Variants in MINAR1 observed in about 807,000 individuals in gnomAD.
MINAR1 encodes major intrinsically disordered Notch2-binding receptor 1.
A neutral mutation model predicts 65.1 loss-of-function variants in MINAR1; 40 were observed. The observed-to-expected ratio is 0.61, with a 90% CI of 0.48 to 0.80. MINAR1 has a LOEUF of 0.80. Among genes scored for constraint, MINAR1 ranks in the 30% least tolerant of loss-of-function variants. The pLI, the probability that MINAR1 is intolerant of heterozygous loss-of-function variation, is 0.00. For missense variants in MINAR1, 1,128 were observed against 1,148.0 expected (o/e 0.98, Z 0.25); for synonymous variants, 482 against 449.1 (o/e 1.07, Z -0.93).
At position 79,457,145 on chromosome 15, in the gene MINAR1, A is replaced by G. The variant is rs1595947362; in HGVS notation, c.998A>G (p.Asp333Gly). 1.2e-6 allele frequency: 2 copies of G among 1,614,068 alleles called. No individual in the cohort carries two copies. Among genetic ancestry groups the G allele is most frequent in the Non-Finnish European group, 1.7e-6 (2 of 1,180,018 alleles). Reference sequence around the variant, plus strand: ...CGAGCAAAGCACGAAAGCTTAGATGACCTTCAAGCCTCTACATATTTTGGG... The same window carrying G: ...CGAGCAAAGCACGAAAGCTTAGATGGCCTTCAAGCCTCTACATATTTTGGG... ...KRRAKHESLD[D>G]LQASTYFGPT... Residue 333 changes from aspartate to glycine, a missense_variant, in exon 2 of 4, where the codon GAC becomes GGC. Physicochemically the swap from Asp to Gly is moderately conservative, Grantham distance 94. Transcript: ENST00000305428.
upstream of MINAR1, among the ~76,000 whole-genome samples, chr15:79,427,641 G>A (rs140215641): frequency 1.5e-3 from 229 of 152,300 alleles, 2 homozygotes; most frequent in African/African-American, 5.3e-3. Flanking sequence ...ATATCAAAAA[G>A]TGTTTCCCTA....
chr15:79,460,278 T>C (rs1895598977), intron 2 of MINAR1, among the ~76,000 whole-genome samples: 1 of 152,226 alleles, frequency 6.6e-6, no homozygotes, highest in Non-Finnish European at 1.5e-5. Context: ...TGGTTGCATA[T>C]GTCAAACTGC....
At chr15:79,443,007 C>T (rs1289206297) in intron 1 of MINAR1, among the ~76,000 whole-genome samples, 1 of 152,120 alleles carries the variant, frequency 6.6e-6, no homozygotes, top group Non-Finnish European at 1.5e-5. Flanking sequence ...AGGATTTCCA[C>T]TCTAAGGTTA....
At chr15:79,426,627 T>C in the MINAR1 span, 2 of 152,202 alleles carry the variant, frequency 1.3e-5, no homozygotes, top group African/African-American at 4.8e-5. Flanking sequence ...CAAGCTGTAG[T>C]ATGCTCAGCC....
rs1323306732 is a variant in MINAR1, at chr15:79,468,737, TATACAGAAG to T, written c.*357_*365del. On this transcript the variant is annotated 3_prime_UTR_variant, in exon 4 of 4. Transcript: ENST00000305428. ...TGATGTTTCATGGTGGGGAATAAGT[TATACAGAAG>T]ATATTTAATACACGCCTCTTTAGAA... The T allele has an allele frequency of 3.6e-6, 1 of 276,448 alleles. No individual in the cohort carries two copies. Among genetic ancestry groups the T allele is most frequent in the Non-Finnish European group, 6.9e-6 (1 of 144,586 alleles). The allele number at this position is 276,448 out of a possible 1,614,324, so 17.1% of individuals were successfully genotyped here.
chr15:79,428,932 C>A (rs1894380326), upstream of MINAR1, among the ~76,000 whole-genome samples: 1 of 152,110 alleles, frequency 6.6e-6, no homozygotes, highest in Admixed American at 6.5e-5. Context: ...CCCTTCCCTC[C>A]CCTAAAGACA....
At chr15:79,463,396 G>A (rs879339521) in intron 3 of MINAR1, 75 bp downstream of exon 3, 17 of 1,552,608 alleles carry the variant, frequency 1.1e-5, no homozygotes, top group South Asian at 4.8e-5. Flanking sequence ...GATCACGGAC[G>A]GCTTAGACCG....
chr15:79,464,471 G>A (rs1895767729), intron 3 of MINAR1, among the ~76,000 whole-genome samples: 1 of 152,160 alleles, frequency 6.6e-6, no homozygotes, highest in South Asian at 2.1e-4. Context: ...AGGAAATCGA[G>A]GCCCCAGGAA....
At chr15:79,442,839 C>A (rs910967676) in intron 1 of MINAR1, among the ~76,000 whole-genome samples, 4 of 151,922 alleles carry the variant, frequency 2.6e-5, no homozygotes, top group Non-Finnish European at 5.9e-5. Context: ...CAGTAGACAT[C>A]CATATACCAG....
rs2141296639 is a variant in MINAR1, at chr15:79,457,952, G to A, written c.1805G>A (p.Arg602Lys). ...LKTSVCKLVL[R>K]IGEIERKLES... is the part of the protein sequence containing the mutation. ...ACCAGTGTGTGCAAACTGGTGCTCA[G>A]GATTGGCGAAATTGAACGGAAGCTG... Residue 602 changes from arginine to lysine, a missense_variant, in exon 2 of 4, where the codon AGG becomes AAG. Transcript: ENST00000305428. 6.2e-7 allele frequency: 1 copy of A among 1,614,128 alleles called. No homozygotes were observed. Among genetic ancestry groups the A allele is most frequent in the Non-Finnish European group, 8.5e-7 (1 of 1,179,994 alleles).
intron 1 of MINAR1, among the ~76,000 whole-genome samples, chr15:79,439,909 C>T (rs903276882): frequency 2.6e-5 from 4 of 151,950 alleles, no homozygotes; most frequent in African/African-American, 9.7e-5. Context: ...CAGCCTGAGC[C>T]AACAGTATAC....
chr15:79,421,613 C>T, the MINAR1 span: 1 of 152,218 alleles, frequency 6.6e-6, no homozygotes, highest in East Asian at 1.9e-4. Flanking sequence ...GTCATGCCAC[C>T]TCCCCCTACT....
At chr15:79,416,359 CTTGT>C in the MINAR1 span, 1 of 152,222 alleles carries the variant, frequency 6.6e-6, no homozygotes, top group Non-Finnish European at 1.5e-5. Context: ...AAAGGAGGGG[CTTGT>C]TTGTGATCGA....
chr15:79,416,391 A>C, the MINAR1 span: 1 of 152,238 alleles, frequency 6.6e-6, no homozygotes, highest in Non-Finnish European at 1.5e-5. Flanking sequence ...TCTTGGCCAA[A>C]AATATTGGCC....
At chr15:79,444,986 C>G (rs557203923) in intron 1 of MINAR1, among the ~76,000 whole-genome samples, 21 of 151,870 alleles carry the variant, frequency 1.4e-4, no homozygotes, top group Non-Finnish European at 2.5e-4. Flanking sequence ...GTTAAAATCT[C>G]TATGCATTAT....
intron 1 of MINAR1, among the ~76,000 whole-genome samples, chr15:79,444,717 G>T (rs4399509): frequency 6.6e-6 from 1 of 151,816 alleles, no homozygotes; most frequent in Admixed American, 6.6e-5. Flanking sequence ...TTAAATTTCC[G>T]TGTGTTCAGG....
chr15:79,449,857 C>T (rs907897472), intron 1 of MINAR1, among the ~76,000 whole-genome samples: 6 of 152,316 alleles, frequency 3.9e-5, no homozygotes, highest in South Asian at 2.1e-4. Flanking sequence ...TGCCCTGTAC[C>T]GTCATGCCTT....
chr15:79,431,161 G>A (rs1330235072), upstream of MINAR1, among the ~76,000 whole-genome samples: 1 of 151,866 alleles, frequency 6.6e-6, no homozygotes. Context: ...AGCTCTGTTC[G>A]GTAACTCGGT....
chr15:79,415,859 A>C, the MINAR1 span: 1 of 152,246 alleles, frequency 6.6e-6, no homozygotes, highest in East Asian at 1.9e-4. Flanking sequence ...TCAGGGGTTT[A>C]ACAAACAAAA....
Sources: gnomAD v4.1 joint callset for allele counts (sites outside exome capture counted in the v4.1 genomes callset) on GRCh38, gnomAD v4.1.1 for gene constraint, MANE v1.5 for transcripts, NCBI Gene and HGNC (gene_info 2026-07-23, HGNC 2026-07-21) for gene names.